The following BCR variants were observed in gnomAD, a reference collection of about 807,000 sequenced individuals.
The protein encoded by BCR is BCR activator of RhoGEF and GTPase.
Under a neutral mutation model 138.6 loss-of-function variants are expected in BCR, and 58 were observed. The observed-to-expected ratio is 0.42, with a 90% CI of 0.34 to 0.52. The LOEUF is 0.52. Among genes scored for constraint, BCR ranks in the 20% least tolerant of loss-of-function variants. The pLI, the probability that BCR is intolerant of heterozygous loss-of-function variation, is 0.06. For missense variants in BCR, 1,599 were observed against 1,727.2 expected (o/e 0.93, Z 1.32); for synonymous variants, 786 against 730.1 (o/e 1.08, Z -1.23).
chr22:23,288,357 C>T (rs2073742146), intron 12 of BCR, among the ~76,000 whole-genome samples, 185 bp downstream of exon 12: 1 of 152,074 alleles, frequency 6.6e-6, no homozygotes, highest in Admixed American at 6.5e-5. Context: ...CCCTCTTGTT[C>T]CCCTGCCAGC....
chr22:23,301,593 T>C lies in BCR; in HGVS notation c.3012+6438T>C, dbSNP rs116061301. 2.5e-3 allele frequency among the ~76,000 whole-genome samples: 387 copies of C among 152,342 alleles called. 1 individual carries two copies. The highest frequency in any genetic ancestry group is 8.8e-3 in the African/African-American group (367 of 41,592). On this transcript the variant is annotated intron_variant, in intron 16 of 22. Transcript: ENST00000305877. ...CAATGTCCCCTGCTCTGTGAAGGCT[T>C]CTCTGTCCCGTGACCTCACTTCCCA...
At chr22:23,263,011 A>G in intron 4 of BCR, 1 of 801,770 alleles carries the variant, frequency 1.2e-6, no homozygotes, top group Non-Finnish European at 1.8e-6. Flanking sequence ...AAAGAGGCAC[A>G]AGGAAGAAAG....
intron 8 of BCR, among the ~76,000 whole-genome samples, chr22:23,280,011 C>CT (rs1283847305): frequency 6.6e-6 from 1 of 152,140 alleles, no homozygotes; most frequent in Non-Finnish European, 1.5e-5. Flanking sequence ...AAGGACCTCT[C>CT]TTTTTTTCCT....
In BCR at chr22:23,295,031, A is replaced by G; in HGVS notation, c.2888A>G (p.Glu963Gly). 6.2e-7 allele frequency: 1 copy of G among 1,613,934 alleles called. No homozygotes were observed. The highest frequency in any genetic ancestry group is 8.5e-7 in the Non-Finnish European group (1 of 1,179,906). The change falls in exon 16 of 23, where the codon GAG (glutamate) becomes GGG (glycine). Residue 963 changes from glutamate to glycine, a missense_variant. By Grantham distance (98) the Glu-to-Gly change is moderately conservative. This residue lies in a region of BCR where 590 missense variants were observed against 762.4 expected (regional missense o/e 0.77). Coordinates refer to ENST00000305877, the MANE Select transcript of BCR (RefSeq NM_004327.4). ...TAEPNWNEEF[E>G]IELEGSQTLR... Reference sequence around the variant, plus strand: ...TCTCCCTTGGGGCTGCAGGAATTTGAGATAGAGCTGGAGGGCTCCCAGACC... The same window carrying G: ...TCTCCCTTGGGGCTGCAGGAATTTGGGATAGAGCTGGAGGGCTCCCAGACC...
rs1270127995 is a variant in BCR at position 23,261,428 on chromosome 22, T to C, written c.1640T>C (p.Phe547Ser). The C allele has an allele frequency of 6.2e-7, 1 of 1,613,726 alleles. No homozygotes were observed. The highest frequency in any genetic ancestry group is 8.5e-7 in the Non-Finnish European group (1 of 1,180,008). Residue 547 changes from phenylalanine to serine, a missense_variant, in exon 4 of 23, where the codon TTC (phenylalanine) becomes TCC (serine). Coordinates refer to ENST00000305877, the MANE Select transcript of BCR (RefSeq NM_004327.4). The stretch of plus-strand genomic sequence containing the variant: ...ACGAGTCAGCAGATCGAGACCATCT[T>C]CTTCAAAGTGCCTGAGCTCTACGAG... The part of the protein sequence containing the change: ...VLTSQQIETI[F>S]FKVPELYEIH...
At chr22:23,257,162 C>T (rs1485408922) in intron 2 of BCR, among the ~76,000 whole-genome samples, 1 of 152,182 alleles carries the variant, frequency 6.6e-6, no homozygotes, top group Non-Finnish European at 1.5e-5. Context: ...TGAGCCATCC[C>T]TGTCTGATGC....
chr22:23,182,252 C>A lies in BCR; in HGVS notation c.1279+13C>A. The A allele has an allele frequency of 6.5e-7, 1 of 1,541,308 alleles. No homozygotes were observed. Among genetic ancestry groups the A allele is most frequent in the Non-Finnish European group, 8.7e-7 (1 of 1,145,342 alleles). On this transcript the variant is annotated intron_variant, in intron 1 of 22. Coordinates refer to ENST00000305877, the MANE Select transcript of BCR (RefSeq NM_004327.4). ...CATGGAGACGCAGGTGAGTTCCTCA[C>A]GCCACGTGCGTGGGCACACCTGCAC... is the stretch of plus-strand genomic sequence containing the variant.
rs368144711 is a variant in BCR, at chr22:23,295,095, G to A, written c.2952G>A (p.Thr984=). Residue 984 remains threonine, a synonymous_variant, in exon 16 of 23, where the codon ACG becomes ACA. Coordinates refer to ENST00000305877, the MANE Select transcript of BCR (RefSeq NM_004327.4). ...ILCYEKCYNK[T]KIPKEDGEST... ...GCTATGAAAAGTGTTACAACAAGAC[G>A]AAGATCCCCAAGGAGGACGGCGAGA... The A allele has an allele frequency of 1.9e-5, 30 of 1,614,056 alleles. No homozygotes were observed. Among genetic ancestry groups the A allele is most frequent in the African/African-American group, 2.7e-5 (2 of 74,922 alleles).
At chr22:23,285,794 A>G (rs535594561) in intron 10 of BCR, among the ~76,000 whole-genome samples, 2 of 152,376 alleles carry the variant, frequency 1.3e-5, no homozygotes, top group African/African-American at 4.8e-5. Flanking sequence ...TCCCTGGGTC[A>G]TGCAAGGCAG....
chr22:23,197,453 C>T (rs916521747), intron 1 of BCR, among the ~76,000 whole-genome samples: 5 of 152,062 alleles, frequency 3.3e-5, no homozygotes, highest in Admixed American at 6.6e-5. Context: ...TTATATTATT[C>T]TTATTGTTGG....
rs1226719220 is a variant in BCR, at chr22:23,285,218, C to G, written c.2406+17C>G. On this transcript the variant is annotated intron_variant, in intron 10 of 22. Coordinates refer to ENST00000305877, the MANE Select transcript of BCR (RefSeq NM_004327.4). ...AGAGAGAAGGTGCACACCAGGGGAG[C>G]AAGGGCCGGGTTTGGTGTGGTCAGA... 1 of 1,603,592 alleles carries G rather than the reference C, an allele frequency of 6.2e-7. No individual in the cohort carries two copies. The highest frequency in any genetic ancestry group is 8.5e-7 in the Non-Finnish European group (1 of 1,175,004).
intron 2 of BCR, among the ~76,000 whole-genome samples, chr22:23,255,805 A>G (rs9620232): frequency 0.2 from 29,679 of 152,166 alleles, 3,523 homozygotes; most frequent in East Asian, 0.56. Flanking sequence ...CTGCCCTCAC[A>G]GGAGCTGTAG....
chr22:23,196,630 G>T (rs1195221773), intron 1 of BCR, among the ~76,000 whole-genome samples: 1 of 152,156 alleles, frequency 6.6e-6, no homozygotes, highest in African/African-American at 2.4e-5. Context: ...CAGACTGGGG[G>T]TTAGGGGATG....
chr22:23,296,112 C>T (rs1040485454), intron 16 of BCR, among the ~76,000 whole-genome samples: 3 of 151,262 alleles, frequency 2.0e-5, no homozygotes, highest in Non-Finnish European at 4.4e-5. Context: ...GTGGTGCTCA[C>T]GCCTGTAATC....
At chr22:23,238,761 G>A (rs1421023663) in intron 1 of BCR, among the ~76,000 whole-genome samples, 1 of 150,666 alleles carries the variant, frequency 6.6e-6, no homozygotes, top group Non-Finnish European at 1.5e-5. Flanking sequence ...GGATTAGGCC[G>A]GGGGTGGGAA....
chr22:23,210,962 T>TGTGCC (rs2072674938), intron 1 of BCR, among the ~76,000 whole-genome samples: 1 of 152,184 alleles, frequency 6.6e-6, no homozygotes, highest in Non-Finnish European at 1.5e-5. Context: ...CAGTGGTGGT[T>TGTGCC]AGTATTATCT....
chr22:23,237,667 G>A (rs928088567), intron 1 of BCR, among the ~76,000 whole-genome samples: 1 of 152,244 alleles, frequency 6.6e-6, no homozygotes, highest in Non-Finnish European at 1.5e-5. Context: ...GGAAGTCAGG[G>A]TGGTGGCCTT....
chr22:23,313,120 G>T, intron 20 of BCR, 99 bp downstream of exon 20: 2 of 1,421,404 alleles, frequency 1.4e-6, no homozygotes, highest in Admixed American at 2.0e-5. Flanking sequence ...CCCAAGCTGT[G>T]CCCCCTCTGC....
intron 1 of BCR, among the ~76,000 whole-genome samples, chr22:23,247,342 G>T (rs1005175896): frequency 2.6e-5 from 4 of 152,348 alleles, no homozygotes; most frequent in African/African-American, 7.2e-5. Context: ...GGCTGCCAGT[G>T]TAAACAAGGA....
Sources: allele counts gnomAD v4.1 joint callset (sites outside exome capture counted in the v4.1 genomes callset), GRCh38; gene constraint gnomAD v4.1.1; regional missense constraint gnomAD v4.1.1; transcripts MANE v1.5; gene names NCBI Gene and HGNC (gene_info 2026-07-23, HGNC 2026-07-21).